Variants in ZEB1 observed in about 807,000 individuals in gnomAD.
ZEB1 encodes zinc finger E-box-binding homeobox 1.
A neutral mutation model predicts 84.9 loss-of-function variants in ZEB1; 21 were observed. The ratio of observed to expected loss-of-function variants is 0.25; its 90% confidence interval spans 0.18 to 0.36. The LOEUF is 0.36. ZEB1 is among the 10% of genes least tolerant of loss of function. ZEB1 has a pLI of 1.00. For missense variants in ZEB1, 1,104 were observed against 1,330.2 expected, an observed-to-expected ratio of 0.83 and a Z score of 2.65; for synonymous variants, 420 against 471.1, an observed-to-expected ratio of 0.89 and a Z score of 1.41.
chr10:31,522,131 G>A (rs1357841965), intron 7 of ZEB1, among the ~76,000 whole-genome samples, 195 bp downstream of exon 7: 1 of 152,118 alleles, frequency 6.6e-6, no homozygotes, highest in Non-Finnish European at 1.5e-5. Flanking sequence ...CCAGGGTATT[G>A]TTACCAGCTT....
At chr10:31,338,617 GT>G (rs1257882904) in intron 1 of ZEB1, among the ~76,000 whole-genome samples, 10 of 152,106 alleles carry the variant, frequency 6.6e-5, no homozygotes, top group Non-Finnish European at 1.5e-4. Context: ...TATTCCCTTT[GT>G]TTGATCTGAG....
intron 1 of ZEB1, chr10:31,387,709 C>G (rs2048879539): frequency 1.0e-6 from 1 of 977,304 alleles, no homozygotes. Context: ...TGTATCTTAT[C>G]TTTACTTCAG....
At chr10:31,325,569 C>T (rs571140216) in intron 1 of ZEB1, among the ~76,000 whole-genome samples, 7 of 151,398 alleles carry the variant, frequency 4.6e-5, no homozygotes, top group African/African-American at 1.7e-4. Flanking sequence ...CCTGGGAAAA[C>T]CTTCATCTCT....
At chr10:31,428,492 TAGAG>T (rs924121025) in intron 1 of ZEB1, among the ~76,000 whole-genome samples, 9 of 152,224 alleles carry the variant, frequency 5.9e-5, no homozygotes, top group African/African-American at 1.9e-4. Context: ...TGAGCAGTTT[TAGAG>T]AGAAAGTGCC....
At chr10:31,413,188 C>T (rs373162555) in intron 1 of ZEB1, among the ~76,000 whole-genome samples, 2 of 152,072 alleles carry the variant, frequency 1.3e-5, no homozygotes, top group East Asian at 1.9e-4. Flanking sequence ...TCACCAGATG[C>T]CTAAAACATA....
chr10:31,331,782 G>A (rs1235659795), intron 1 of ZEB1, among the ~76,000 whole-genome samples: 5 of 152,108 alleles, frequency 3.3e-5, no homozygotes, highest in African/African-American at 1.2e-4. Context: ...CACATATTGT[G>A]GGACTCAAGT....
chr10:31,437,054 A>G (rs917044285), intron 1 of ZEB1, among the ~76,000 whole-genome samples: 12 of 152,174 alleles, frequency 7.9e-5, no homozygotes, highest in East Asian at 3.8e-4. Flanking sequence ...TTTTGGTACT[A>G]CAGTTCAAAT....
At chr10:31,505,142 G>A (rs1393514126) in intron 4 of ZEB1, among the ~76,000 whole-genome samples, 1 of 152,042 alleles carries the variant, frequency 6.6e-6, no homozygotes, top group Non-Finnish European at 1.5e-5. Context: ...AATCCCACTT[G>A]ATCATATTGC....
chr10:31,440,012 A>G (rs998255005), intron 1 of ZEB1, among the ~76,000 whole-genome samples: 1 of 152,234 alleles, frequency 6.6e-6, no homozygotes, highest in Non-Finnish European at 1.5e-5. Context: ...AACCAGTGAC[A>G]GTACTCGAAG....
intron 2 of ZEB1, among the ~76,000 whole-genome samples, chr10:31,469,928 G>A (rs1157403284): frequency 2.0e-5 from 3 of 152,212 alleles, no homozygotes. Context: ...CAGCCTAACT[G>A]GGAGGCACCC....
At chr10:31,509,978 T>C (rs2069683309) in intron 4 of ZEB1, among the ~76,000 whole-genome samples, 1 of 152,198 alleles carries the variant, frequency 6.6e-6, no homozygotes, top group Non-Finnish European at 1.5e-5. Context: ...TACAGTTATA[T>C]AGCAGATTTG....
intron 8 of ZEB1, 99 bp downstream of exon 8, chr10:31,524,212 T>A: frequency 1.5e-6 from 2 of 1,371,998 alleles, no homozygotes; most frequent in Non-Finnish European, 2.0e-6. Flanking sequence ...CTTTTTTTTT[T>A]TTTTTATTTT....
At chr10:31,364,099 T>C (rs2043958135) in intron 1 of ZEB1, among the ~76,000 whole-genome samples, 1 of 152,226 alleles carries the variant, frequency 6.6e-6, no homozygotes, top group Admixed American at 6.5e-5. Flanking sequence ...GCGGAGAGGA[T>C]ACTCCTAAGT....
chr10:31,407,326 A>G (rs2053298208), intron 1 of ZEB1, among the ~76,000 whole-genome samples: 1 of 140,614 alleles, frequency 7.1e-6, no homozygotes, highest in African/African-American at 2.7e-5. Flanking sequence ...ATTCCCACCT[A>G]TGAGTGAGAA....
intron 1 of ZEB1, among the ~76,000 whole-genome samples, chr10:31,338,088 A>G (rs2133472952): frequency 6.6e-6 from 1 of 152,182 alleles, no homozygotes; most frequent in South Asian, 2.1e-4. Flanking sequence ...GTAGTCACTA[A>G]ATTTACTTGG....
intron 1 of ZEB1, chr10:31,374,993 C>T (rs1234511613): frequency 6.9e-6 from 1 of 144,916 alleles, no homozygotes; most frequent in Non-Finnish European, 1.5e-5. Context: ...ATCAAGTCAA[C>T]TTTATATCTT....
intron 1 of ZEB1, among the ~76,000 whole-genome samples, chr10:31,435,469 A>G (rs1056293732): frequency 3.6e-4 from 55 of 152,250 alleles, no homozygotes; most frequent in African/African-American, 1.3e-3. Flanking sequence ...ATTACAAACT[A>G]CGATGGATGC....
At chr10:31,379,904 A>G (rs2047333873) in intron 1 of ZEB1, among the ~76,000 whole-genome samples, 4 of 152,232 alleles carry the variant, frequency 2.6e-5, no homozygotes, top group Admixed American at 2.6e-4. Flanking sequence ...GCATTCTTTC[A>G]TATGCATTTC....
At chr10:31,364,093 A>G (rs1020676437) in intron 1 of ZEB1, among the ~76,000 whole-genome samples, 2 of 152,192 alleles carry the variant, frequency 1.3e-5, no homozygotes, top group Non-Finnish European at 2.9e-5. Flanking sequence ...TCAGAAGCGG[A>G]GAGGATACTC....
Sources: gnomAD v4.1 joint callset for allele counts (sites outside exome capture counted in the v4.1 genomes callset) on GRCh38, gnomAD v4.1.1 for gene constraint, MANE v1.5 for transcripts, NCBI Gene and HGNC (gene_info 2026-07-23, HGNC 2026-07-21) for gene names.